The following ENTREP2 variants were observed in gnomAD, a reference collection of about 807,000 sequenced individuals.
ENTREP2 encodes endosomal transmembrane epsin interactor 2, also known as protein ENTREP2.
At chr15:29,570,404 G>T in the ENTREP2 span, 2 of 730,630 alleles carry the variant, frequency 2.7e-6, no homozygotes, top group Non-Finnish European at 3.6e-6. Context: ...GTTGGCCGCC[G>T]GAACTTGCCG....
At chr15:29,158,918 C>G in the ENTREP2 span, among the ~76,000 whole-genome samples, 1,397 of 152,302 alleles carry the variant, frequency 9.2e-3, 20 homozygotes, top group African/African-American at 0.031. Flanking sequence ...TTTTGAAAAT[C>G]TCTCCAGTCT....
At chr15:29,551,299 T>C in the ENTREP2 span, among the ~76,000 whole-genome samples, 12 of 152,164 alleles carry the variant, frequency 7.9e-5, no homozygotes, top group African/African-American at 2.9e-4. Flanking sequence ...CTTCTAGTGT[T>C]TGACCTGCAG....
the ENTREP2 span, among the ~76,000 whole-genome samples, chr15:29,473,938 G>A: frequency 1.3e-5 from 2 of 152,192 alleles, no homozygotes; most frequent in Non-Finnish European, 2.9e-5. Context: ...GTGGGCCACG[G>A]CAGTCCGGAC....
chr15:29,137,733 G>C, the ENTREP2 span, among the ~76,000 whole-genome samples: 4 of 152,188 alleles, frequency 2.6e-5, no homozygotes, highest in Non-Finnish European at 5.9e-5. Context: ...CTACTTGGGA[G>C]GCTGAGGCAG....
At chr15:29,378,475 A>T in the ENTREP2 span, among the ~76,000 whole-genome samples, 1 of 152,208 alleles carries the variant, frequency 6.6e-6, no homozygotes, top group Non-Finnish European at 1.5e-5. Flanking sequence ...ATTTTTGTAG[A>T]TGAGATTAAG....
the ENTREP2 span, among the ~76,000 whole-genome samples, chr15:29,148,928 G>C: frequency 6.6e-6 from 1 of 150,834 alleles, no homozygotes; most frequent in Non-Finnish European, 1.5e-5. Context: ...CCAGGCTGTA[G>C]TGCAATGGCA....
At chr15:29,356,496 G>A in the ENTREP2 span, among the ~76,000 whole-genome samples, 4 of 150,774 alleles carry the variant, frequency 2.7e-5, no homozygotes, top group Admixed American at 2.0e-4. Context: ...TAGTAGAGAC[G>A]GGGTTTCACT....
chr15:29,498,739 T>A, the ENTREP2 span, among the ~76,000 whole-genome samples: 1 of 152,158 alleles, frequency 6.6e-6, no homozygotes, highest in Non-Finnish European at 1.5e-5. Context: ...TGTCTGTAGT[T>A]GAAAGTTAGG....
the ENTREP2 span, among the ~76,000 whole-genome samples, chr15:29,189,250 C>T: frequency 6.6e-6 from 1 of 152,110 alleles, no homozygotes; most frequent in East Asian, 1.9e-4. Flanking sequence ...ATGTGGGATC[C>T]AACGCTGTCT....
the ENTREP2 span, among the ~76,000 whole-genome samples, chr15:29,651,880 C>T: frequency 6.6e-6 from 1 of 152,242 alleles, no homozygotes; most frequent in African/African-American, 2.4e-5. Context: ...TGGACAGCAG[C>T]AGGACGCAGA....
At chr15:29,487,343 T>C in the ENTREP2 span, among the ~76,000 whole-genome samples, 2 of 152,080 alleles carry the variant, frequency 1.3e-5, no homozygotes, top group Non-Finnish European at 2.9e-5. Flanking sequence ...AAACAAGAAA[T>C]GAAGGTCAAG....
At chr15:29,196,387 C>A in the ENTREP2 span, 1 of 1,542,370 alleles carries the variant, frequency 6.5e-7, no homozygotes. Flanking sequence ...GTCTGTAAGG[C>A]ATGGAATGAA....
the ENTREP2 span, among the ~76,000 whole-genome samples, chr15:29,202,730 G>A: frequency 6.6e-6 from 1 of 152,110 alleles, no homozygotes; most frequent in African/African-American, 2.4e-5. Context: ...GTGAGAACAT[G>A]CAGTGTTTGG....
the ENTREP2 span, among the ~76,000 whole-genome samples, chr15:29,230,477 G>C: frequency 2.0e-5 from 3 of 152,248 alleles, no homozygotes; most frequent in South Asian, 6.2e-4. Flanking sequence ...CAGAAAGGTA[G>C]ATATTAAACA....
the ENTREP2 span, among the ~76,000 whole-genome samples, chr15:29,654,953 A>AG: frequency 6.6e-6 from 1 of 152,162 alleles, no homozygotes; most frequent in African/African-American, 2.4e-5. Flanking sequence ...TGACAAAAGG[A>AG]GGGGTACTTT....
chr15:29,379,688 A>T, the ENTREP2 span, among the ~76,000 whole-genome samples: 1 of 152,078 alleles, frequency 6.6e-6, no homozygotes. Context: ...CACCACCATA[A>T]GGGGTCCTAA....
the ENTREP2 span, chr15:29,266,563 G>A: frequency 6.6e-6 from 1 of 152,204 alleles, no homozygotes; most frequent in Non-Finnish European, 1.5e-5. Flanking sequence ...CAATTAAAAT[G>A]AGTGAATCAG....
At chr15:29,128,756 C>T in the ENTREP2 span, 2 of 1,502,748 alleles carry the variant, frequency 1.3e-6, no homozygotes, top group African/African-American at 2.8e-5. Context: ...AACAGGAACA[C>T]CCCACTTCAG....
the ENTREP2 span, among the ~76,000 whole-genome samples, chr15:29,235,692 G>A: frequency 5.3e-5 from 8 of 152,314 alleles, no homozygotes; most frequent in South Asian, 2.1e-4. Flanking sequence ...GCGGCTGGGC[G>A]TGTTAGCTCA....
Sources: allele counts gnomAD v4.1 joint callset (sites outside exome capture counted in the v4.1 genomes callset), GRCh38; gene constraint gnomAD v4.1.1; transcripts MANE v1.5; gene names NCBI Gene and HGNC (gene_info 2026-07-23, HGNC 2026-07-21).